SNX25: variants seen among roughly 807,000 people sequenced by gnomAD.
The protein encoded by SNX25 is sorting nexin 25, also known as sorting nexin-25.
SNX25 carries 62 observed loss-of-function variants against 113.7 expected under a neutral mutation model. That is an observed-to-expected ratio of 0.55 (90% confidence interval 0.44 to 0.67). SNX25 has a LOEUF of 0.67. Among genes scored for constraint, SNX25 ranks in the 30% least tolerant of loss-of-function variants. SNX25 has a pLI of 0.00. For synonymous variants in SNX25, 421 were observed against 436.2 expected (o/e 0.97, Z 0.43); for missense variants, 1,014 against 1,161.0 (o/e 0.87, Z 1.84).
the SNX25 span, chr4:185,376,804 G>T: frequency 1.3e-6 from 1 of 744,860 alleles, no homozygotes. Flanking sequence ...TAATTGGACA[G>T]AATTTCCCTA....
intron 9 of SNX25, 88 bp from the exon 10 acceptor site, chr4:185,332,507 A>G: frequency 8.1e-7 from 1 of 1,231,504 alleles, no homozygotes. Context: ...ACTGGAATGT[A>G]GTATTTTGCA....
chr4:185,226,651 A>G, intron 1 of SNX25, among the ~76,000 whole-genome samples: 1 of 152,034 alleles, frequency 6.6e-6, no homozygotes, highest in Non-Finnish European at 1.5e-5. Context: ...AGGTCTCACT[A>G]TGTTGCCCGG....
intron 6 of SNX25, among the ~76,000 whole-genome samples, chr4:185,298,566 T>G (rs967852034): frequency 2.0e-5 from 3 of 152,174 alleles, no homozygotes; most frequent in African/African-American, 7.2e-5. Context: ...ACGCTTGACA[T>G]GATCTACAAG....
chr4:185,346,285 C>T (rs932073221), intron 12 of SNX25, among the ~76,000 whole-genome samples: 2 of 152,200 alleles, frequency 1.3e-5, no homozygotes, highest in Admixed American at 1.3e-4. Context: ...GTGTGCAGAT[C>T]CCTCGTACCA....
intron 1 of SNX25, among the ~76,000 whole-genome samples, chr4:185,243,918 T>C (rs1744455228): frequency 6.6e-6 from 1 of 152,244 alleles, no homozygotes; most frequent in African/African-American, 2.4e-5. Context: ...ATGCTTCAGA[T>C]ATGCATGTAC....
downstream of SNX25, chr4:185,374,597 A>AG: frequency 1.1e-6 from 1 of 924,988 alleles, no homozygotes; most frequent in Non-Finnish European, 1.6e-6. Flanking sequence ...CAAGGGGTAC[A>AG]ATTGTCCTGG....
chr4:185,211,589 T>C (rs969582355), intron 1 of SNX25, among the ~76,000 whole-genome samples: 4 of 152,226 alleles, frequency 2.6e-5, no homozygotes, highest in African/African-American at 4.8e-5. Flanking sequence ...TAAATATTTA[T>C]TGAGCATCTT....
intron 1 of SNX25, among the ~76,000 whole-genome samples, chr4:185,241,506 T>G (rs1331076839): frequency 3.5e-4 from 4 of 11,508 alleles, no homozygotes; most frequent in Admixed American, 1.2e-3. Context: ...AGGGAGACCG[T>G]GGGGAGAGGG....
chr4:185,370,779 A>G (rs1194102026), downstream of SNX25: 3 of 1,614,130 alleles, frequency 1.9e-6, no homozygotes, highest in South Asian at 2.2e-5. Flanking sequence ...CTGGGCGATC[A>G]TGGGGATGTC....
At chr4:185,370,990 T>A (rs1231634485), downstream of SNX25, 4 of 587,528 alleles carry the variant, frequency 6.8e-6, no homozygotes. Flanking sequence ...CAGGAGAAGA[T>A]GAGCTTCCCA....
At chr4:185,206,151 T>C (rs546695858), upstream of SNX25, among the ~76,000 whole-genome samples, 1 of 152,300 alleles carries the variant, frequency 6.6e-6, no homozygotes, top group Non-Finnish European at 1.5e-5. Context: ...CAATTTCCCT[T>C]CTGGACATAC....
downstream of SNX25, chr4:185,372,725 TG>T: frequency 1.5e-6 from 1 of 674,006 alleles, no homozygotes; most frequent in Non-Finnish European, 2.5e-6. Flanking sequence ...GAGGACATGA[TG>T]GTCCTCCCCT....
At position 185,316,654 on chromosome 4, in the gene SNX25, G is replaced by C. The variant is rs1052779642; in HGVS notation, c.1345-4079G>C. The stretch of plus-strand genomic sequence containing the variant: ...ATAAATGGCAGATCTTTTCTTTAAG[G>C]CCAATTTACATATCAGTTTACTTAT... On this transcript the variant is annotated intron_variant, in intron 7 of 18. Transcript: ENST00000652585. 2.6e-5 allele frequency among the ~76,000 whole-genome samples: 4 copies of C among 152,160 alleles called. 1 individual carries two copies. The highest frequency in any genetic ancestry group is 2.6e-4 in the Admixed American group (4 of 15,280).
At position 185,267,021 on chromosome 4, in the gene SNX25, G is replaced by A. The variant is rs760998326; in HGVS notation, c.957G>A (p.Met319Ile). 1 of 1,613,924 alleles carries A rather than the reference G, an allele frequency of 6.2e-7. No homozygotes were observed. The highest frequency in any genetic ancestry group is 8.5e-7 in the Non-Finnish European group (1 of 1,179,886). The change falls in exon 5 of 19, where the codon ATG (methionine) becomes ATA (isoleucine). Residue 319 changes from methionine (M) to isoleucine (I), a missense_variant. Coordinates refer to ENST00000652585, the MANE Select transcript of SNX25 (RefSeq NM_001378034.2). ...GTAATCCAGATTACATTAACCAAAT[G>A]CTGCTTGCCCAGCTGGCGTACAGAG... ...LLSNPDYINQ[M>I]LLAQLAYREQ...
At chr4:185,212,004 A>G (rs1196906409) in intron 1 of SNX25, among the ~76,000 whole-genome samples, 9 of 152,248 alleles carry the variant, frequency 5.9e-5, no homozygotes, top group Admixed American at 5.9e-4. Context: ...TGACAGAGAA[A>G]ATGAAGCAGC....
intron 2 of SNX25, among the ~76,000 whole-genome samples, chr4:185,253,614 A>G (rs1745984870): frequency 1.3e-5 from 2 of 152,020 alleles, no homozygotes; most frequent in Non-Finnish European, 2.9e-5. Flanking sequence ...GACTACAGGC[A>G]TGAGCTACCA....
At chr4:185,357,990 G>A (rs1243115968) in intron 16 of SNX25, among the ~76,000 whole-genome samples, 1 of 152,220 alleles carries the variant, frequency 6.6e-6, no homozygotes, top group Non-Finnish European at 1.5e-5. Context: ...GGGTCAGGAG[G>A]TTGTACTCTG....
At chr4:185,320,156 G>A (rs59218646) in intron 7 of SNX25, among the ~76,000 whole-genome samples, 8,522 of 152,152 alleles carry the variant, frequency 0.056, 286 homozygotes, top group South Asian at 0.068. Context: ...AAACCATTCT[G>A]CTATACAGAC....
intron 3 of SNX25, among the ~76,000 whole-genome samples, chr4:185,261,276 C>G (rs1164413990): frequency 6.6e-6 from 1 of 152,128 alleles, no homozygotes; most frequent in Non-Finnish European, 1.5e-5. Context: ...TTCTCTGGTT[C>G]AAGAATTCTT....
Sources: gnomAD v4.1 joint callset for allele counts (sites outside exome capture counted in the v4.1 genomes callset) on GRCh38, gnomAD v4.1.1 for gene constraint, MANE v1.5 for transcripts, NCBI Gene and HGNC (gene_info 2026-07-23, HGNC 2026-07-21) for gene names.